The following XIAP variants were observed in gnomAD, a reference collection of about 807,000 sequenced individuals.
XIAP encodes X-linked inhibitor of apoptosis, also known as E3 ubiquitin-protein ligase XIAP.
XIAP carries 3 observed loss-of-function variants against 33.1 expected under a neutral mutation model. The ratio of observed to expected loss-of-function variants is 0.09; its 90% confidence interval spans 0.04 to 0.23. The LOEUF (loss-of-function observed/expected upper bound fraction) is 0.23. Among genes scored for constraint, XIAP ranks in the 10% least tolerant of loss-of-function variants. The probability of loss-of-function intolerance (pLI) is 1.00; values close to 1 mark genes in which losing one functional copy is unlikely to be tolerated. For synonymous variants in XIAP, 98 were observed against 121.3 expected (o/e 0.81, Z 1.26); for missense variants, 264 against 363.0 (o/e 0.73, Z 2.22).
chrX:123,907,885 G>A lies in XIAP; in HGVS notation c.*704G>A. 3.2e-6 allele frequency: 1 copy of A among 310,713 alleles called. No homozygotes were observed. Among genetic ancestry groups the A allele is most frequent in the South Asian group, 2.7e-5 (1 of 36,595 alleles). The allele number at this position is 310,713 out of a possible 1,213,427, so 25.6% of individuals were successfully genotyped here. A position where few individuals can be genotyped will look rare whatever the true frequency, so the allele number is the denominator to read the frequency against. On this transcript the variant is annotated 3_prime_UTR_variant, in exon 7 of 7. Transcript: ENST00000371199. ...GTCTGAGCCAGATCAAAGTATGTAT[G>A]TTTTTAATATGCATAGAACAAAAGA...
Position 123,909,995 on chromosome X carries a change from T to A in XIAP, c.*2814T>A, listed in dbSNP as rs774844784. 2.3e-4 allele frequency: 75 copies of A among 328,303 alleles called. No individual in the cohort carries two copies. The highest frequency in any genetic ancestry group is 1.9e-3 in the South Asian group (74 of 38,381). The allele number at this position is 328,303 out of a possible 1,213,427, so 27.1% of individuals were successfully genotyped here. A position where few individuals can be genotyped will look rare whatever the true frequency, so the allele number is the denominator to read the frequency against. On this transcript the variant is annotated 3_prime_UTR_variant, in exon 7 of 7. Coordinates refer to ENST00000371199, the MANE Select transcript of XIAP (RefSeq NM_001167.4). Reference sequence around the variant, plus strand: ...CCCAAGAGTTCTCAGTGTCTACATGTAGACTATTCCTTTTCTGTATAAAGT... The same window carrying A: ...CCCAAGAGTTCTCAGTGTCTACATGAAGACTATTCCTTTTCTGTATAAAGT...
At position 123,909,532 on chromosome X, in the gene XIAP, T is replaced by G. The variant is rs1355681111; in HGVS notation, c.*2351T>G. On this transcript the variant is annotated 3_prime_UTR_variant, in exon 7 of 7. Coordinates refer to ENST00000371199, the MANE Select transcript of XIAP (RefSeq NM_001167.4). ...ACAAGGGGAGAAAAGTGTTAAAATT[T>G]TTAAAATATGTTTTCCAGGACACTT... is the stretch of plus-strand genomic sequence containing the variant. 3.1e-6 allele frequency: 1 copy of G among 327,144 alleles called. No individual in the cohort carries two copies. Among genetic ancestry groups the G allele is most frequent in the Non-Finnish European group, 5.9e-6 (1 of 169,513 alleles). 27.0% of individuals were successfully genotyped at this position (327,144 alleles called of 1,213,427 possible). A position where few individuals can be genotyped will look rare whatever the true frequency, so the allele number is the denominator to read the frequency against.
chrX:123,884,363 A>G (rs2053332878), intron 1 of XIAP, among the ~76,000 whole-genome samples: 1 of 110,704 alleles, frequency 9.0e-6, no homozygotes, highest in African/African-American at 3.3e-5. Context: ...GCATGCCTGT[A>G]ATCCCAGCTA....
chrX:123,876,331 CATCT>C (rs772651451), intron 1 of XIAP, among the ~76,000 whole-genome samples: 4 of 110,984 alleles, frequency 3.6e-5, no homozygotes, highest in African/African-American at 1.3e-4. Context: ...TGTTTGAGGC[CATCT>C]ATTATTGGTG....
chrX:123,892,062 A>G (rs905092207), intron 4 of XIAP, among the ~76,000 whole-genome samples: 4 of 111,311 alleles, frequency 3.6e-5, no homozygotes, highest in African/African-American at 9.8e-5. Context: ...AATCTCAAAT[A>G]TATCTAAATT....
intron 1 of XIAP, among the ~76,000 whole-genome samples, chrX:123,884,956 A>AT (rs4028348): frequency 9.1e-6 from 1 of 109,732 alleles, no homozygotes; most frequent in Non-Finnish European, 1.9e-5. Context: ...AAAAAAAAAA[A>AT]GTAACAGCAA....
intron 6 of XIAP, among the ~76,000 whole-genome samples, chrX:123,903,629 TTG>T (rs1491028029): frequency 2.5e-5 from 1 of 40,765 alleles, no homozygotes; most frequent in Non-Finnish European, 4.8e-5. Context: ...GTTTTTTTTT[TTG>T]TTTTGTTTTT....
intron 5 of XIAP, among the ~76,000 whole-genome samples, chrX:123,898,760 T>C (rs992650781): frequency 1.9e-5 from 2 of 106,957 alleles, no homozygotes; most frequent in African/African-American, 6.8e-5. Flanking sequence ...CCCAAAGTGC[T>C]GGGATTACAG....
intron 1 of XIAP, chrX:123,872,837 A>G (rs1285370120): frequency 3.6e-5 from 4 of 110,771 alleles, no homozygotes; most frequent in African/African-American, 1.3e-4. Flanking sequence ...GACTGCTTTT[A>G]TCTCTGGGAC....
chrX:123,910,867 CAA>C lies in XIAP; in HGVS notation c.*3701_*3702del, dbSNP rs762141177. 1,045 of 224,891 alleles carry C rather than the reference CAA, an allele frequency of 4.6e-3. No individual in the cohort carries two copies. The highest frequency in any genetic ancestry group is 6.2e-3 in the Admixed American group (112 of 17,946). 18.5% of individuals were successfully genotyped at this position (224,891 alleles called of 1,213,427 possible). A position where few individuals can be genotyped will look rare whatever the true frequency, so the allele number is the denominator to read the frequency against. On this transcript the variant is annotated 3_prime_UTR_variant, in exon 7 of 7. Transcript: ENST00000371199. Reference sequence around the variant, plus strand: ...TGGGCAACAGAGCAAGACTCTGTCTCAAAAAAAAAAAAAAAAGAAATAAGAAA... The same window carrying C: ...TGGGCAACAGAGCAAGACTCTGTCTCAAAAAAAAAAAAAAGAAATAAGAAA...
intron 1 of XIAP, among the ~76,000 whole-genome samples, chrX:123,864,704 CGTGT>C (rs746103984): frequency 4.8e-5 from 4 of 82,820 alleles, no homozygotes; most frequent in African/African-American, 1.8e-4. Flanking sequence ...AGGGTGTCAC[CGTGT>C]GTGTGTGTGT....
intron 3 of XIAP, 95 bp downstream of exon 3, chrX:123,888,813 A>G: frequency 1.4e-6 from 1 of 733,342 alleles, no homozygotes; most frequent in Non-Finnish European, 2.1e-6. Flanking sequence ...TGCCTTCACT[A>G]TGGCTTGAAA....
At chrX:123,863,088 TCAAA>T (rs747063277) in intron 1 of XIAP, among the ~76,000 whole-genome samples, 9 of 110,846 alleles carry the variant, frequency 8.1e-5, no homozygotes, top group African/African-American at 2.0e-4. Flanking sequence ...AGACCCTGTC[TCAAA>T]CAAAACAAAG....
chrX:123,901,078 T>TG (rs3831881), intron 6 of XIAP, among the ~76,000 whole-genome samples: 21,311 of 110,788 alleles, frequency 0.19, 1,491 homozygotes, highest in South Asian at 0.38. Context: ...AATCCCATCA[T>TG]GGGGGGGTCT....
chrX:123,885,167 AAATT>A (rs766982132), intron 1 of XIAP, among the ~76,000 whole-genome samples: 12 of 112,092 alleles, frequency 1.1e-4, no homozygotes, highest in South Asian at 7.2e-4. Flanking sequence ...GAGATATTAA[AAATT>A]AATTCATTAA....
At chrX:123,884,366 C>A (rs1041262338) in intron 1 of XIAP, among the ~76,000 whole-genome samples, 3 of 110,514 alleles carry the variant, frequency 2.7e-5, no homozygotes, top group Non-Finnish European at 5.7e-5. Flanking sequence ...TGCCTGTAAT[C>A]CCAGCTACTT....
intron 1 of XIAP, among the ~76,000 whole-genome samples, chrX:123,863,188 C>T (rs986406345): frequency 9.0e-5 from 10 of 111,331 alleles, no homozygotes; most frequent in African/African-American, 3.3e-4. Context: ...CGGTGGCTTT[C>T]ACCTGTAATC....
chrX:123,900,542 G>T lies in XIAP; in HGVS notation c.1149G>T (p.Gly383=). The change falls in exon 6 of 7, where the codon GGG becomes GGT. Residue 383 remains glycine (G), a synonymous_variant. Coordinates refer to ENST00000371199, the MANE Select transcript of XIAP (RefSeq NM_001167.4). ...NPMVQEAIRM[G]FSFKDIKKIM... ...TGGTACAAGAAGCTATACGAATGGG[G>T]TTCAGTTTCAAGGACATTAAGAAAA... The T allele has an allele frequency of 8.3e-7, 1 of 1,211,154 alleles. No individual in the cohort carries two copies. Among genetic ancestry groups the T allele is most frequent in the Admixed American group, 2.2e-5 (1 of 45,947 alleles).
intron 4 of XIAP, among the ~76,000 whole-genome samples, chrX:123,892,478 C>A (rs1329927490): frequency 9.0e-6 from 1 of 111,171 alleles, no homozygotes; most frequent in Non-Finnish European, 1.9e-5. Flanking sequence ...CTAGAGTTGC[C>A]CCCAGTGACT....
Sources: allele counts gnomAD v4.1 joint callset (sites outside exome capture counted in the v4.1 genomes callset), GRCh38; gene constraint gnomAD v4.1.1; transcripts MANE v1.5; gene names NCBI Gene and HGNC (gene_info 2026-07-23, HGNC 2026-07-21).